WDR49: variants seen among roughly 807,000 people sequenced by gnomAD.
The protein encoded by WDR49 is WD repeat domain 49.
WDR49 carries 107 observed loss-of-function variants against 119.5 expected under a neutral mutation model. That is an observed-to-expected ratio of 0.90 (90% CI 0.77 to 1.05). The LOEUF is 1.05. WDR49 is among the 50% of genes least tolerant of loss of function. WDR49 has a pLI of 0.00. For missense variants in WDR49, 1,240 were observed against 1,220.5 expected, an observed-to-expected ratio of 1.02 and a Z score of -0.24; for synonymous variants, 425 against 418.8, an observed-to-expected ratio of 1.01 and a Z score of -0.18.
intron 8 of WDR49, among the ~76,000 whole-genome samples, chr3:167,570,530 A>G (rs1360882676): frequency 2.0e-5 from 3 of 152,368 alleles, no homozygotes; most frequent in African/African-American, 7.2e-5. Flanking sequence ...GGACTGCAAT[A>G]ATCTAAATTA....
Position 167,626,898 on chromosome 3 carries a change from T to A in WDR49, c.560A>T (p.Lys187Ile). The change falls in exon 3 of 19, where the codon AAA becomes ATA. Residue 187 changes from lysine to isoleucine, a missense_variant. Lys to Ile is a moderately radical substitution (Grantham distance 102, BLOSUM62 -3). Transcript: ENST00000682715. ...AACCAGACTTGTCACCCACAGGTGT[T>A]TGAGCTTGGTGGCATCTGAAGTGAT... Reference protein sequence around the residue: ...FPITSDATKLKHLWVTSLVSL... With the variant: ...FPITSDATKLIHLWVTSLVSL... 1 of 1,263,160 alleles carries A rather than the reference T, an allele frequency of 7.9e-7. No individual in the cohort carries two copies. Among genetic ancestry groups the A allele is most frequent in the Non-Finnish European group, 1.0e-6 (1 of 1,004,246 alleles). The allele number at this position is 1,263,160 out of a possible 1,614,324, so 78.2% of individuals were successfully genotyped here. A position where few individuals can be genotyped will look rare whatever the true frequency, so the allele number is the denominator to read the frequency against.
intron 16 of WDR49, among the ~76,000 whole-genome samples, chr3:167,510,034 CCA>C (rs1751907576): frequency 6.6e-6 from 1 of 152,158 alleles, no homozygotes; most frequent in Non-Finnish European, 1.5e-5. Context: ...AATGGCTTTA[CCA>C]CAGATATTTT....
intron 8 of WDR49, among the ~76,000 whole-genome samples, chr3:167,562,134 T>C (rs975881360): frequency 3.3e-5 from 5 of 152,118 alleles, no homozygotes; most frequent in East Asian, 1.9e-4. Flanking sequence ...TCAATTATCA[T>C]TGGGGGCCAA....
At chr3:167,586,026 A>C (rs1460518515) in intron 7 of WDR49, among the ~76,000 whole-genome samples, 1 of 152,200 alleles carries the variant, frequency 6.6e-6, no homozygotes, top group Non-Finnish European at 1.5e-5. Flanking sequence ...GTGGAAAAAA[A>C]GAAAAGAAGA....
rs1713175451 is a variant in WDR49 at position 167,560,104 on chromosome 3, T to C, written c.1634A>G (p.Glu545Gly). The C allele has an allele frequency of 3.7e-6, 6 of 1,614,200 alleles. No individual in the cohort carries two copies. In the Admixed American group the frequency reaches 6.7e-5, roughly 18 times the overall value. Residue 545 changes from glutamate (E) to glycine (G), a missense_variant, in exon 9 of 19, where the codon GAG (glutamate) becomes GGG (glycine). Glu to Gly is a moderately conservative substitution (Grantham distance 98). Transcript: ENST00000682715. Reference sequence around the variant, plus strand: ...TGTGCTGCCAGTCAAAAGCCGAGTCTCATTTGCATCAAGGGCCATAGTGCT... The same window carrying C: ...TGTGCTGCCAGTCAAAAGCCGAGTCCCATTTGCATCAAGGGCCATAGTGCT... The part of the protein sequence containing the change: ...EISTMALDAN[E>G]TRLLTGSTDG...
At chr3:167,512,942 G>A (rs1223018382) in intron 16 of WDR49, among the ~76,000 whole-genome samples, 1 of 152,066 alleles carries the variant, frequency 6.6e-6, no homozygotes, top group Non-Finnish European at 1.5e-5. Flanking sequence ...AAGCCTCTGA[G>A]AACTATGAGA....
Position 167,505,433 on chromosome 3 carries a change from C to T in WDR49, c.2775-17G>A. On this transcript the variant is annotated splice_polypyrimidine_tract_variant and intron_variant, in intron 16 of 18. Coordinates refer to ENST00000682715, the MANE Select transcript of WDR49 (RefSeq NM_001366157.1). ...GGTCTGACACTGGAAGAAAATATTTCATGATGAAATACATTATTAACCACA... is the reference window on the plus strand; with the variant it reads ...GGTCTGACACTGGAAGAAAATATTTTATGATGAAATACATTATTAACCACA... The T allele has an allele frequency of 6.6e-7, 1 of 1,509,442 alleles. No individual in the cohort carries two copies. Among genetic ancestry groups the T allele is most frequent in the Non-Finnish European group, 8.8e-7 (1 of 1,137,790 alleles). The allele number at this position is 1,509,442 out of a possible 1,614,324, so 93.5% of individuals were successfully genotyped here.
At chr3:167,529,357 T>C (rs1279148662) in intron 13 of WDR49, 118 bp from the exon 14 acceptor site, 4 of 836,112 alleles carry the variant, frequency 4.8e-6, no homozygotes, top group Non-Finnish European at 7.2e-6. Flanking sequence ...AGCCCTGAGA[T>C]CAATTCCCAG....
intron 17 of WDR49, among the ~76,000 whole-genome samples, chr3:167,501,052 C>T (rs1044511622): frequency 6.6e-6 from 1 of 152,202 alleles, no homozygotes; most frequent in Admixed American, 6.5e-5. Context: ...TCAGAATCAT[C>T]TGGAGGGCTT....
Position 167,639,283 on chromosome 3 carries a change from A to T in WDR49, c.166-11991T>A, listed in dbSNP as rs191822984. ...AGTTTATGCATCCATAGGATCATAG[A>T]TTAATACCATGTTGGAGCTAGAAGA... is the stretch of plus-strand genomic sequence containing the variant. On this transcript the variant is annotated intron_variant, in intron 2 of 18. Transcript: ENST00000682715. Among the ~76,000 whole-genome samples the T allele has an allele frequency of 1.8e-4, 28 of 151,860 alleles. No individual in the cohort carries two copies. The East Asian group carries it at 5.0e-3, about 27-fold the overall frequency.
chr3:167,581,104 T>C (rs1714507075), intron 7 of WDR49, among the ~76,000 whole-genome samples: 1 of 152,172 alleles, frequency 6.6e-6, no homozygotes, highest in Non-Finnish European at 1.5e-5. Context: ...CACTTGTAGA[T>C]TAACAAGAAT....
intron 8 of WDR49, 115 bp downstream of exon 8, chr3:167,575,803 C>T: frequency 1.0e-6 from 1 of 982,652 alleles, no homozygotes; most frequent in Non-Finnish European, 1.5e-6. Context: ...ATCATTTCTT[C>T]CCATATTTGC....
intron 11 of WDR49, among the ~76,000 whole-genome samples, chr3:167,536,567 C>T (rs2108247861): frequency 6.6e-6 from 1 of 151,556 alleles, no homozygotes; most frequent in East Asian, 1.9e-4. Flanking sequence ...GTGGTCCCAG[C>T]TACTCAGGAG....
chr3:167,643,058 C>T (rs1236574531), intron 2 of WDR49, among the ~76,000 whole-genome samples: 3 of 151,970 alleles, frequency 2.0e-5, no homozygotes, highest in Non-Finnish European at 4.4e-5. Flanking sequence ...TTAAAAATCA[C>T]CATTTTTCAA....
chr3:167,577,896 A>T (rs377767298), intron 7 of WDR49, among the ~76,000 whole-genome samples: 2 of 152,138 alleles, frequency 1.3e-5, no homozygotes, highest in Admixed American at 1.3e-4. Flanking sequence ...ATCCCAACTC[A>T]TCAAATGCCC....
At chr3:167,518,104 G>A (rs1388759403) in intron 16 of WDR49, among the ~76,000 whole-genome samples, 1 of 151,942 alleles carries the variant, frequency 6.6e-6, no homozygotes, top group African/African-American at 2.4e-5. Flanking sequence ...TGGTGTATAT[G>A]TGCCACATTT....
chr3:167,496,901 C>T (rs746445077), intron 18 of WDR49, among the ~76,000 whole-genome samples: 17 of 150,198 alleles, frequency 1.1e-4, no homozygotes, highest in Non-Finnish European at 2.2e-4. Context: ...ACACATTTGA[C>T]TTTACCTCTA....
intron 2 of WDR49, among the ~76,000 whole-genome samples, chr3:167,645,696 G>C (rs993236473): frequency 2.0e-5 from 3 of 151,938 alleles, no homozygotes; most frequent in Admixed American, 6.6e-5. Context: ...GAAGAATTTT[G>C]TAAGGTCCAG....
intron 5 of WDR49, among the ~76,000 whole-genome samples, chr3:167,613,879 A>C (rs537166137): frequency 1.5e-3 from 231 of 151,614 alleles, no homozygotes; most frequent in Non-Finnish European, 2.5e-3. Context: ...CAGGAGACAG[A>C]AGTTGCAGTG....
Sources: allele counts gnomAD v4.1 joint callset (sites outside exome capture counted in the v4.1 genomes callset), GRCh38; gene constraint gnomAD v4.1.1; transcripts MANE v1.5; gene names NCBI Gene and HGNC (gene_info 2026-07-23, HGNC 2026-07-21).